Variants in NCOR2 observed in about 807,000 individuals in gnomAD.
The protein encoded by NCOR2 is nuclear receptor corepressor 2.
Under a neutral mutation model 262.9 loss-of-function variants are expected in NCOR2, and 81 were observed. That is an observed-to-expected ratio of 0.31 (90% CI 0.26 to 0.37). NCOR2 has a LOEUF of 0.37. Ranked by LOEUF, NCOR2 falls within the 10% of genes least tolerant of loss-of-function variation. The pLI is 1.00. For synonymous variants in NCOR2, 1,659 were observed against 1,559.3 expected (o/e 1.06, Z -1.51); for missense variants, 3,385 against 3,621.4 (o/e 0.93, Z 1.68).
chr12:124,394,893 C>T (rs907552626), intron 16 of NCOR2, among the ~76,000 whole-genome samples: 4 of 152,220 alleles, frequency 2.6e-5, no homozygotes, highest in African/African-American at 7.2e-5. Flanking sequence ...AACTGAGGCA[C>T]AGAGAGGTTG....
chr12:124,567,152 T>C (rs941208529), intron 1 of NCOR2, among the ~76,000 whole-genome samples, 156 bp downstream of exon 1: 2 of 150,816 alleles, frequency 1.3e-5, no homozygotes, highest in Non-Finnish European at 3.0e-5. Flanking sequence ...GCGGGGCGCC[T>C]TGCTCCCCAG....
At position 124,517,342 on chromosome 12, in the gene NCOR2, AAT is replaced by A. The variant is rs1228667660; in HGVS notation, c.-118+18221_-118+18222del. On this transcript the variant is annotated intron_variant, in intron 1 of 46. Transcript: ENST00000404621. The surrounding 1 kb of genome is among the most constrained non-coding windows in gnomAD (Gnocchi z 7.6). ...CGCGGCGCACCCAGACCTCAGGACA[AAT>A]CACTCCCTCATCCCCCCGGTTTGCA... is the stretch of plus-strand genomic sequence containing the variant. Among the ~76,000 whole-genome samples, 1 of 152,074 alleles carries A rather than the reference AAT, an allele frequency of 6.6e-6. No individual in the cohort carries two copies. Among genetic ancestry groups the A allele is most frequent in the Non-Finnish European group, 1.5e-5 (1 of 67,992 alleles).
intron 1 of NCOR2, among the ~76,000 whole-genome samples, chr12:124,563,986 T>G (rs764588791): frequency 4.6e-5 from 7 of 152,216 alleles, no homozygotes; most frequent in Non-Finnish European, 7.3e-5. Flanking sequence ...TTACTTAACC[T>G]CTCTGTGCCT....
At chr12:124,505,238 A>T (rs1359320338) in intron 1 of NCOR2, among the ~76,000 whole-genome samples, 2 of 152,138 alleles carry the variant, frequency 1.3e-5, no homozygotes, top group Admixed American at 1.3e-4. Context: ...CTGAGCCTTC[A>T]GCTCCTGCCT....
At chr12:124,395,425 G>A (rs573771223) in intron 16 of NCOR2, among the ~76,000 whole-genome samples, 2 of 152,184 alleles carry the variant, frequency 1.3e-5, no homozygotes, top group Non-Finnish European at 2.9e-5. Context: ...CACGGCAGAC[G>A]AACATGCTGC....
chr12:124,453,124 G>A (rs1038151005), intron 6 of NCOR2, among the ~76,000 whole-genome samples: 1 of 152,186 alleles, frequency 6.6e-6, no homozygotes, highest in Non-Finnish European at 1.5e-5. Flanking sequence ...CTGAGGGGAC[G>A]CAGGGCCCGA....
chr12:124,433,900 GCACACA>G lies in NCOR2; in HGVS notation c.883-3119_883-3114del, dbSNP rs201254802. Among the ~76,000 whole-genome samples, 482 of 131,472 alleles carry G rather than the reference GCACACA, an allele frequency of 3.7e-3. 16 individuals are homozygous for G. Among genetic ancestry groups the G allele is most frequent in the African/African-American group, 0.013 (442 of 33,944 alleles). The allele number at this position is 131,472 out of a possible 152,430, so 86.3% of individuals were successfully genotyped here. The stretch of plus-strand genomic sequence containing the variant: ...CACACACACACACACACACACACAC[GCACACA>G]CACACACAGGGAAAGACTGGAGCCG... On this transcript the variant is annotated intron_variant, in intron 8 of 46. Coordinates refer to ENST00000405201, the Ensembl canonical transcript of NCOR2.
chr12:124,397,461 C>T (rs2041754465), intron 16 of NCOR2, among the ~76,000 whole-genome samples: 1 of 152,188 alleles, frequency 6.6e-6, no homozygotes, highest in Non-Finnish European at 1.5e-5. Flanking sequence ...CCAGCCCCCA[C>T]GGTGCTGCAC....
chr12:124,351,620 G>A (rs2037473833), intron 27 of NCOR2, among the ~76,000 whole-genome samples: 1 of 152,188 alleles, frequency 6.6e-6, no homozygotes, highest in African/African-American at 2.4e-5. Context: ...GCAGCATCCT[G>A]CCTTGGGTGA....
chr12:124,327,467 G>A (rs996427787), exon 45 of NCOR2: 20 of 1,613,316 alleles, frequency 1.2e-5, no homozygotes, highest in East Asian at 2.2e-5. Context: ...GCATAGCAGC[G>A]GGCAGGCTGG....
At chr12:124,426,844 T>A in intron 10 of NCOR2, 44 bp from the exon 13 acceptor site, 1 of 1,508,466 alleles carries the variant, frequency 6.6e-7, no homozygotes, top group East Asian at 2.4e-5. Context: ...AGGGACGAGG[T>A]GCTCCGGCCG....
intron 11 of NCOR2, among the ~76,000 whole-genome samples, chr12:124,423,572 G>C (rs10846672): frequency 6.6e-6 from 1 of 152,236 alleles, no homozygotes; most frequent in East Asian, 1.9e-4. Context: ...ACCTCGGGCG[G>C]CTGGCAAGGC....
Position 124,332,483 on chromosome 12 carries a change from A to G in NCOR2, c.6756-16T>C, listed in dbSNP as rs2035279727. ...GCCCATCCTGCTGTGAGGATCAAAC[A>G]CCTCACATCAGCTCACTTGGTGCCG... On this transcript the variant is annotated splice_polypyrimidine_tract_variant and intron_variant, in intron 42 of 46. Coordinates refer to ENST00000405201, the Ensembl canonical transcript of NCOR2. The G allele has an allele frequency of 6.2e-7, 1 of 1,613,732 alleles. No homozygotes were observed.
intron 31 of NCOR2, among the ~76,000 whole-genome samples, chr12:124,345,223 G>A (rs544283219): frequency 3.9e-5 from 6 of 152,312 alleles, no homozygotes; most frequent in African/African-American, 9.6e-5. Flanking sequence ...TCTCCCTGCC[G>A]CGAGTGGTGG....
intron 1 of NCOR2, among the ~76,000 whole-genome samples, chr12:124,492,288 G>A (rs1267408882): frequency 1.3e-5 from 2 of 152,190 alleles, no homozygotes; most frequent in Admixed American, 1.3e-4. Context: ...GACCCACCAG[G>A]ACACCGGTAC....
intron 3 of NCOR2, among the ~76,000 whole-genome samples, chr12:124,480,451 C>T (rs2047391013): frequency 6.6e-6 from 1 of 152,240 alleles, no homozygotes; most frequent in African/African-American, 2.4e-5. Flanking sequence ...ACCAGCCCTG[C>T]CATCGGCATC....
chr12:124,497,550 G>A (rs1268461649), upstream of NCOR2, among the ~76,000 whole-genome samples: 3 of 152,216 alleles, frequency 2.0e-5, no homozygotes, highest in African/African-American at 7.2e-5. This position sits in a 1 kb window ranked among gnomAD's most constrained non-coding sequence, Gnocchi z 4.2. Flanking sequence ...ACATACAAGA[G>A]AAGCTTATTA....
chr12:124,548,122 C>T lies in NCOR2; in HGVS notation c.-164-12511G>A, dbSNP rs1031177930. Reference sequence around the variant, plus strand: ...GGTCCCCTCCTATGGGACCTCTCCTCCACTCTAACTCTCCTCCACATCACA... The same window carrying T: ...GGTCCCCTCCTATGGGACCTCTCCTTCACTCTAACTCTCCTCCACATCACA... On this transcript the variant is annotated intron_variant, in intron 1 of 32. Coordinates refer to the NCOR2 transcript ENST00000458234. This position sits in a 1 kb window ranked among gnomAD's most constrained non-coding sequence, Gnocchi z 5.1. 6.6e-6 allele frequency among the ~76,000 whole-genome samples: 1 copy of T among 152,010 alleles called. No homozygotes were observed. Among genetic ancestry groups the T allele is most frequent in the East Asian group, 1.9e-4 (1 of 5,174 alleles).
At chr12:124,567,028 C>T (rs527400283) in intron 1 of NCOR2, among the ~76,000 whole-genome samples, 77 of 152,244 alleles carry the variant, frequency 5.1e-4, no homozygotes, top group Admixed American at 9.8e-4. Flanking sequence ...CTGTGCATTT[C>T]CAGCGCGCCC....
Sources: gnomAD v4.1 joint callset for allele counts (sites outside exome capture counted in the v4.1 genomes callset) on GRCh38, gnomAD v4.1.1 for gene constraint, Gnocchi (gnomAD v3.1) non-coding constraint, MANE v1.5 for transcripts, NCBI Gene and HGNC (gene_info 2026-07-23, HGNC 2026-07-21) for gene names.